Variants in DNAI7 observed in about 807,000 individuals in gnomAD.
DNAI7 encodes the protein dynein axonemal intermediate chain 7.
Under a neutral mutation model 86.6 loss-of-function variants are expected in DNAI7, and 78 were observed. The observed-to-expected ratio is 0.90, with a 90% CI of 0.75 to 1.09. DNAI7 has a LOEUF of 1.09. Among genes scored for constraint, DNAI7 ranks in the 50% least tolerant of loss-of-function variants. The pLI is 0.00. For synonymous variants in DNAI7, 274 were observed against 273.0 expected (o/e 1.00, Z -0.04); for missense variants, 753 against 810.2 (o/e 0.93, Z 0.86).
At chr12:25,136,322 C>CA (rs1314386479) in intron 9 of DNAI7, among the ~76,000 whole-genome samples, 12 of 152,152 alleles carry the variant, frequency 7.9e-5, no homozygotes, top group African/African-American at 2.4e-4. Flanking sequence ...ATAATAACTG[C>CA]ATTCTGGCTC....
At chr12:25,144,877 CCA>C (rs1944633274) in intron 8 of DNAI7, among the ~76,000 whole-genome samples, 200 bp from the exon 9 acceptor site, 1 of 152,118 alleles carries the variant, frequency 6.6e-6, no homozygotes, top group South Asian at 2.1e-4. Context: ...ATCCATAACC[CCA>C]CAGTCTTCTC....
intron 2 of DNAI7, among the ~76,000 whole-genome samples, chr12:25,170,267 T>C (rs1166542492): frequency 2.0e-5 from 3 of 151,794 alleles, no homozygotes; most frequent in Non-Finnish European, 4.4e-5. Context: ...GGTGGGTGCC[T>C]GTAATCCCAG....
chr12:25,142,573 T>C (rs1414527679), intron 9 of DNAI7, among the ~76,000 whole-genome samples: 1 of 151,894 alleles, frequency 6.6e-6, no homozygotes, highest in South Asian at 2.1e-4. Context: ...TTGAGATAGA[T>C]GCATAAGAAA....
chr12:25,138,421 C>T (rs1182905676), intron 9 of DNAI7, among the ~76,000 whole-genome samples: 2 of 152,142 alleles, frequency 1.3e-5, no homozygotes, highest in Admixed American at 6.5e-5. Flanking sequence ...TGAGATCACA[C>T]CACTACACTC....
At position 25,108,699 on chromosome 12, in the gene DNAI7, T is replaced by G. The variant is rs1258111831; in HGVS notation, c.2018A>C (p.Lys673Thr). 3 of 1,612,424 alleles carry G rather than the reference T, an allele frequency of 1.9e-6. No homozygotes were observed. The highest frequency in any genetic ancestry group is 2.2e-5 in the East Asian group (1 of 44,856). Residue 673 changes from lysine to threonine, a missense_variant, in exon 16 of 16, where the codon AAA becomes ACA. Transcript: ENST00000395987. ...EESEAFSEAL[K>T]EETEFHSTLY... ...AGTAGAATGAAACTCAGTTTCTTCT[T>G]TAAGTGCTTCAGAAAATGCCTCACT... is the stretch of plus-strand genomic sequence containing the variant.
At chr12:25,118,874 C>T (rs1457598119) in intron 12 of DNAI7, among the ~76,000 whole-genome samples, 1 of 152,168 alleles carries the variant, frequency 6.6e-6, no homozygotes, top group East Asian at 1.9e-4. Flanking sequence ...GTGTTTCACT[C>T]GTTTTTTAGA....
Position 25,155,406 on chromosome 12 carries a change from C to G in DNAI7, c.205G>C (p.Glu69Gln). The part of the protein sequence containing the change: ...KWHRLEAKDL[E>Q]RRNEELEELY... ...TCTTCAAGTTCTTCATTTCTCCTTT[C>G]TAGATCCTGTTGCACAAGGACAGAT... Residue 69 changes from glutamate to glutamine, a missense_variant, in exon 5 of 16, where the codon GAA (glutamate) becomes CAA (glutamine). Transcript: ENST00000395987. The G allele has an allele frequency of 6.4e-7, 1 of 1,574,572 alleles. No individual in the cohort carries two copies. Among genetic ancestry groups the G allele is most frequent in the Middle Eastern group, 1.7e-4 (1 of 5,948 alleles).
chr12:25,176,826 G>A (rs887729763), intron 2 of DNAI7, among the ~76,000 whole-genome samples: 3 of 146,764 alleles, frequency 2.0e-5, no homozygotes, highest in African/African-American at 7.6e-5. Context: ...ATGACTTTAT[G>A]TATATTATTG....
intron 11 of DNAI7, among the ~76,000 whole-genome samples, chr12:25,119,776 G>C (rs1229605569): frequency 2.0e-5 from 3 of 152,136 alleles, no homozygotes; most frequent in African/African-American, 7.2e-5. Flanking sequence ...ATGAATGAAT[G>C]AAAGTGAATT....
chr12:25,169,747 G>A (rs944218050), intron 2 of DNAI7, among the ~76,000 whole-genome samples: 8 of 151,674 alleles, frequency 5.3e-5, no homozygotes, highest in African/African-American at 1.9e-4. Flanking sequence ...ACTTGGGAGG[G>A]TGAGGCAAGA....
At chr12:25,134,603 T>C (rs1943327006) in intron 9 of DNAI7, among the ~76,000 whole-genome samples, 1 of 152,074 alleles carries the variant, frequency 6.6e-6, no homozygotes, top group South Asian at 2.1e-4. Flanking sequence ...GTGACCCACC[T>C]GCCTCAGCCT....
rs1719292600 is a variant in DNAI7 at position 25,158,495 on chromosome 12, T to C, written c.175A>G (p.Lys59Glu). The C allele has an allele frequency of 6.2e-7, 1 of 1,612,944 alleles. No homozygotes were observed. Among genetic ancestry groups the C allele is most frequent in the Admixed American group, 1.7e-5 (1 of 59,970 alleles). ...RLEIQRIEKEKWHRLEAKDLE... is the reference protein window; with the variant it reads ...RLEIQRIEKEEWHRLEAKDLE... ...ACTTTTGCTTCAAGTCGATGCCATT[T>C]TTCTTTCTCAATTCGCTGTATTTCA... Residue 59 changes from lysine (K) to glutamate (E), a missense_variant, in exon 4 of 16, where the codon AAA becomes GAA. Physicochemically the swap from Lys to Glu is moderately conservative, Grantham distance 56. Transcript: ENST00000395987.
At chr12:25,115,784 C>T (rs1939965265) in intron 12 of DNAI7, among the ~76,000 whole-genome samples, 1 of 152,190 alleles carries the variant, frequency 6.6e-6, no homozygotes, top group Non-Finnish European at 1.5e-5. Flanking sequence ...AATATAAACT[C>T]AGCACTCAAC....
chr12:25,170,012 G>A (rs1219898499), intron 2 of DNAI7, among the ~76,000 whole-genome samples: 1 of 152,134 alleles, frequency 6.6e-6, no homozygotes, highest in East Asian at 1.9e-4. Flanking sequence ...AAGCGAGCAG[G>A]GGTAGCTATT....
At chr12:25,128,983 A>C (rs1229206376) in intron 9 of DNAI7, among the ~76,000 whole-genome samples, 1 of 152,174 alleles carries the variant, frequency 6.6e-6, no homozygotes, top group African/African-American at 2.4e-5. Context: ...GCAAAGCCTG[A>C]CTTTATCTGG....
chr12:25,150,601 C>CAAAAAAAAA (rs58511191), intron 6 of DNAI7, among the ~76,000 whole-genome samples: 1 of 89,008 alleles, frequency 1.1e-5, no homozygotes, highest in Non-Finnish European at 2.1e-5. Context: ...GACTCTGTCT[C>CAAAAAAAAA]AAAAAAAAAA....
intron 9 of DNAI7, among the ~76,000 whole-genome samples, chr12:25,124,500 T>A (rs1941813110): frequency 6.6e-6 from 1 of 152,118 alleles, no homozygotes. Flanking sequence ...AGTGTTGTAG[T>A]ATAAAGTAAA....
intron 6 of DNAI7, among the ~76,000 whole-genome samples, chr12:25,152,754 C>T (rs1945705790): frequency 6.6e-6 from 1 of 152,126 alleles, no homozygotes; most frequent in Admixed American, 6.6e-5. Flanking sequence ...TCTGCACTAG[C>T]TCTAAGTACT....
Position 25,146,982 on chromosome 12 carries a change from G to C in DNAI7, c.689+19C>G. The C allele has an allele frequency of 8.0e-7, 1 of 1,252,826 alleles. No individual in the cohort carries two copies. Among genetic ancestry groups the C allele is most frequent in the Non-Finnish European group, 1.2e-6 (1 of 852,528 alleles). The allele number at this position is 1,252,826 out of a possible 1,614,324, so 77.6% of individuals were successfully genotyped here. A position where few individuals can be genotyped will look rare whatever the true frequency, so the allele number is the denominator to read the frequency against. ...GTCTTTCTTTCCACCTACAGGGAAA[G>C]TATTGCCCACAAGGGTACCTTGGAT... On this transcript the variant is annotated intron_variant, in intron 8 of 15. Coordinates refer to ENST00000395987, the MANE Select transcript of DNAI7 (RefSeq NM_018272.5).
Sources: allele counts gnomAD v4.1 joint callset (sites outside exome capture counted in the v4.1 genomes callset), GRCh38; gene constraint gnomAD v4.1.1; transcripts MANE v1.5; gene names NCBI Gene and HGNC (gene_info 2026-07-23, HGNC 2026-07-21).